UVRAG: variants seen among roughly 807,000 people sequenced by gnomAD.
UVRAG encodes the protein UV radiation resistance-associated gene protein.
UVRAG carries 19 observed loss-of-function variants against 78.0 expected under a neutral mutation model. The ratio of observed to expected loss-of-function variants is 0.24; its 90% CI spans 0.17 to 0.36. UVRAG has a LOEUF of 0.36. Among genes scored for constraint, UVRAG ranks in the 10% least tolerant of loss-of-function variants. The probability of loss-of-function intolerance (pLI) is 1.00; values close to 1 mark genes in which losing one functional copy is unlikely to be tolerated. For missense variants in UVRAG, 740 were observed against 853.8 expected, an observed-to-expected ratio of 0.87 and a Z score of 1.66; for synonymous variants, 323 against 324.6, an observed-to-expected ratio of 1.00 and a Z score of 0.05.
At chr11:75,828,738 TATATATATACACACAC>T (rs1366449706) in intron 1 of UVRAG, among the ~76,000 whole-genome samples, 84 of 95,148 alleles carry the variant, frequency 8.8e-4, no homozygotes, top group African/African-American at 6.0e-3. Context: ...TGTGTATATA[TATATATATACACACAC>T]ATATATATAT....
intron 8 of UVRAG, among the ~76,000 whole-genome samples, chr11:75,995,694 T>C (rs531908565): frequency 4.1e-4 from 63 of 152,166 alleles, no homozygotes; most frequent in African/African-American, 1.5e-3. Flanking sequence ...AAGTTGTAAA[T>C]ACATTATTAA....
chr11:76,059,328 T>A (rs11236609), intron 12 of UVRAG, among the ~76,000 whole-genome samples: 1 of 152,212 alleles, frequency 6.6e-6, no homozygotes, highest in Non-Finnish European at 1.5e-5. Flanking sequence ...AAAAACTATG[T>A]CTTTTCTGTT....
intron 1 of UVRAG, among the ~76,000 whole-genome samples, chr11:75,849,184 G>T (rs1352116792): frequency 1.7e-5 from 2 of 120,060 alleles, no homozygotes; most frequent in African/African-American, 6.2e-5. Flanking sequence ...CCTCTCAAAA[G>T]AAAAAAAAAA....
At chr11:75,947,333 T>C (rs189224517) in intron 6 of UVRAG, among the ~76,000 whole-genome samples, 151 of 152,242 alleles carry the variant, frequency 9.9e-4, no homozygotes, top group African/African-American at 3.4e-3. Flanking sequence ...CCTATGGTGT[T>C]TATAAGTCCT....
chr11:76,141,667 C>G lies in UVRAG; in HGVS notation c.*254C>G. On this transcript the variant is annotated 3_prime_UTR_variant, in exon 15 of 15. Coordinates refer to ENST00000356136, the MANE Select transcript of UVRAG (RefSeq NM_003369.4). ...AAAAATCACCCTCTAGTTGAAAGAG[C>G]TTACAGCTCGAGTCACCTTTTAGCT... 2.0e-6 allele frequency: 1 copy of G among 502,674 alleles called. No individual in the cohort carries two copies. Among genetic ancestry groups the G allele is most frequent in the South Asian group, 2.6e-5 (1 of 38,810 alleles). The allele number at this position is 502,674 out of a possible 1,614,324, so 31.1% of individuals were successfully genotyped here.
At chr11:76,025,123 T>C (rs538370214) in intron 12 of UVRAG, among the ~76,000 whole-genome samples, 134 of 152,298 alleles carry the variant, frequency 8.8e-4, no homozygotes, top group African/African-American at 3.1e-3. Context: ...TCTAAACCAT[T>C]ACTTGTGCAC....
intron 5 of UVRAG, among the ~76,000 whole-genome samples, chr11:75,906,866 A>G (rs1343803614): frequency 6.6e-6 from 1 of 152,094 alleles, no homozygotes; most frequent in Non-Finnish European, 1.5e-5. Flanking sequence ...TCTCAGTTCT[A>G]TTTTGTTGAT....
At chr11:75,856,129 A>G (rs548746358) in intron 2 of UVRAG, among the ~76,000 whole-genome samples, 3 of 152,100 alleles carry the variant, frequency 2.0e-5, no homozygotes, top group Non-Finnish European at 4.4e-5. Context: ...AGCTGGGACT[A>G]CAGGCATCCG....
intron 3 of UVRAG, among the ~76,000 whole-genome samples, chr11:75,865,176 A>G (rs560138477): frequency 6.0e-5 from 9 of 151,184 alleles, no homozygotes; most frequent in Admixed American, 5.9e-4. Flanking sequence ...AATCTCAGCT[A>G]CTCGGGAGGC....
At chr11:76,000,834 G>A (rs563427387) in intron 8 of UVRAG, among the ~76,000 whole-genome samples, 2 of 152,220 alleles carry the variant, frequency 1.3e-5, no homozygotes, top group East Asian at 1.9e-4. Flanking sequence ...TTCTAAATAT[G>A]TGTGAACATA....
intron 5 of UVRAG, chr11:75,911,470 C>T (rs1219618903): frequency 1.7e-5 from 3 of 172,308 alleles, no homozygotes; most frequent in East Asian, 3.0e-4. Flanking sequence ...GGAGCTCTCT[C>T]GTTGTGGGTG....
At chr11:76,017,005 T>C (rs1565121767) in intron 12 of UVRAG, 25 bp downstream of exon 12, 2 of 1,541,548 alleles carry the variant, frequency 1.3e-6, no homozygotes, top group Non-Finnish European at 8.8e-7. Flanking sequence ...TTTAAAAAAA[T>C]GATTTTAACA....
At chr11:75,881,309 C>T (rs1215502953) in intron 4 of UVRAG, among the ~76,000 whole-genome samples, 2 of 152,042 alleles carry the variant, frequency 1.3e-5, no homozygotes, top group African/African-American at 2.4e-5. Context: ...CATGAGACAT[C>T]AATCAATACA....
At chr11:75,861,674 A>T in intron 2 of UVRAG, 72 bp from the exon 3 acceptor site, 1 of 1,090,628 alleles carries the variant, frequency 9.2e-7, no homozygotes, top group Non-Finnish European at 1.4e-6. Flanking sequence ...TAAAAAAATT[A>T]GAGGATTAAC....
At chr11:76,126,476 A>G (rs1244047197) in intron 14 of UVRAG, among the ~76,000 whole-genome samples, 5 of 152,206 alleles carry the variant, frequency 3.3e-5, no homozygotes, top group Admixed American at 2.0e-4. Flanking sequence ...TTCAAGTTCC[A>G]GCAACCAGTT....
chr11:75,971,821 G>T (rs1298318976), intron 7 of UVRAG, among the ~76,000 whole-genome samples: 1 of 152,106 alleles, frequency 6.6e-6, no homozygotes, highest in Non-Finnish European at 1.5e-5. Context: ...AAGTAGCTGG[G>T]ATTACAGGTG....
intron 12 of UVRAG, among the ~76,000 whole-genome samples, chr11:76,025,212 A>C (rs1950307290): frequency 6.6e-6 from 1 of 152,182 alleles, no homozygotes; most frequent in Admixed American, 6.5e-5. Context: ...TGAGGAATGT[A>C]ACCAGAGTCC....
At chr11:76,079,463 C>T (rs1032665511) in intron 13 of UVRAG, among the ~76,000 whole-genome samples, 16 of 149,622 alleles carry the variant, frequency 1.1e-4, no homozygotes, top group Admixed American at 8.7e-4. Flanking sequence ...CCAGCCAGGG[C>T]GACAGTGAAA....
At chr11:75,999,246 A>AC (rs1400439274) in intron 8 of UVRAG, among the ~76,000 whole-genome samples, 8 of 22,360 alleles carry the variant, frequency 3.6e-4, no homozygotes, top group Non-Finnish European at 7.7e-4. Flanking sequence ...GAAAAAAAAA[A>AC]AAAAAGTCAA....
Sources: allele counts gnomAD v4.1 joint callset (sites outside exome capture counted in the v4.1 genomes callset), GRCh38; gene constraint gnomAD v4.1.1; transcripts MANE v1.5; gene names NCBI Gene and HGNC (gene_info 2026-07-23, HGNC 2026-07-21).